DERPC: variants seen among roughly 807,000 people sequenced by gnomAD.
The protein encoded by DERPC is DERPC proline and glycine rich nuclear protein.
Under a neutral mutation model 7.2 loss-of-function variants are expected in DERPC, and 1 was observed. The ratio of observed to expected loss-of-function variants is 0.14; its 90% CI spans 0.05 to 0.66. The LOEUF (loss-of-function observed/expected upper bound fraction) is 0.66, where lower values mean the gene tolerates loss of function less well. Among genes scored for constraint, DERPC ranks in the 30% least tolerant of loss-of-function variants. The pLI is 0.84. For synonymous variants in DERPC, 185 were observed against 117.6 expected, an observed-to-expected ratio of 1.57 and a Z score of -3.71; for missense variants, 502 against 299.4, an observed-to-expected ratio of 1.68 and a Z score of -4.99.
chr16:69,118,456 G>C lies in DERPC; in HGVS notation c.*398C>G, dbSNP rs968445391. ...TTCACCAACGCCACGTTTCTAGAGA[G>C]CAGTGAGCTGATTCTCCAATGGTGA... On this transcript the variant is annotated 3_prime_UTR_variant, in exon 3 of 3. Coordinates refer to ENST00000519520, the MANE Select transcript of DERPC (RefSeq NM_001002847.4). 6.3e-7 allele frequency: 1 copy of C among 1,594,214 alleles called. No individual in the cohort carries two copies. Among genetic ancestry groups the C allele is most frequent in the African/African-American group, 1.3e-5 (1 of 74,666 alleles).
rs1422710731 is a variant in DERPC at position 69,123,940 on chromosome 16, A to AC, written c.-279-2448_-279-2447insG. 1.3e-3 allele frequency among the ~76,000 whole-genome samples: 177 copies of AC among 140,332 alleles called. 2 individuals are homozygous for AC. In the Middle Eastern group the frequency reaches 0.026, roughly 20 times the overall value. The allele number at this position is 140,332 out of a possible 152,430, so 92.1% of individuals were successfully genotyped here. A position where few individuals can be genotyped will look rare whatever the true frequency, so the allele number is the denominator to read the frequency against. The stretch of plus-strand genomic sequence containing the variant: ...CCATCTCTACTAAAAAAAAAAAAAA[A>AC]AAAAAAACAAAAAATTAGCTGGGTG... On this transcript the variant is annotated intron_variant, in intron 1 of 2. Transcript: ENST00000519520.
chr16:69,131,810 A>T (rs1962545701), intron 1 of DERPC, among the ~76,000 whole-genome samples: 1 of 148,636 alleles, frequency 6.7e-6, no homozygotes, highest in Non-Finnish European at 1.5e-5. Flanking sequence ...CAAGTACTCC[A>T]CTCCTCCAGG....
chr16:69,120,927 G>C lies in DERPC; in HGVS notation c.-221-278C>G, dbSNP rs1961603526. ...GAGGTAGGGGGAGAACAAGCAGAGA[G>C]CATCGCAGATTAGCTAGGCCTTGAA... On this transcript the variant is annotated intron_variant, in intron 2 of 2. Coordinates refer to ENST00000519520, the MANE Select transcript of DERPC (RefSeq NM_001002847.4). The surrounding 1 kb of genome is among the most constrained non-coding windows in gnomAD (Gnocchi z 4.0). The C allele has an allele frequency of 1.2e-6, 1 of 848,588 alleles. No individual in the cohort carries two copies. The highest frequency in any genetic ancestry group is 1.7e-5 in the African/African-American group (1 of 60,404). 52.6% of individuals were successfully genotyped at this position (848,588 alleles called of 1,614,324 possible).
chr16:69,129,290 C>T (rs1962316301), intron 1 of DERPC, among the ~76,000 whole-genome samples: 1 of 151,496 alleles, frequency 6.6e-6, no homozygotes, highest in Non-Finnish European at 1.5e-5. Context: ...ATTAGCCGGG[C>T]GTGGTGGCAG....
intron 1 of DERPC, among the ~76,000 whole-genome samples, chr16:69,122,830 C>A (rs775682290): frequency 2.0e-5 from 3 of 152,094 alleles, no homozygotes; most frequent in Non-Finnish European, 2.9e-5. Context: ...GCGTGAACCA[C>A]CGCACCTGGC....
In DERPC at chr16:69,118,400, G is replaced by A. The variant is rs201415345; in HGVS notation, c.*454C>T. 1.5e-5 allele frequency: 25 copies of A among 1,613,486 alleles called. No individual in the cohort carries two copies. The highest frequency in any genetic ancestry group is 1.9e-5 in the Non-Finnish European group (22 of 1,179,544). On this transcript the variant is annotated 3_prime_UTR_variant, in exon 3 of 3. Transcript: ENST00000519520. ...AGTAGAGGATGACCAGGTCCAAGCT[G>A]CCCAGGTCAGAGCTACGGAAGCATG...
rs185866245 is a variant in DERPC at position 69,119,798 on chromosome 16, G to C, written c.631C>G (p.Pro211Ala). The part of the protein sequence containing the change: ...RPVGLGPGPN[P>A]NLRSGFLGTN... Reference sequence around the variant, plus strand: ...CCTAAAAAGCCTGATCTCAGATTGGGGTTTGGTCCTGGGCCCAGGCCAACT... The same window carrying C: ...CCTAAAAAGCCTGATCTCAGATTGGCGTTTGGTCCTGGGCCCAGGCCAACT... Residue 211 changes from proline to alanine, a missense_variant, in exon 3 of 3, where the codon CCC (proline) becomes GCC (alanine). Transcript: ENST00000519520. 4.0e-3 allele frequency: 2,784 copies of C among 700,658 alleles called. 18 individuals carry two copies. The highest frequency in any genetic ancestry group is 0.013 in the South Asian group (902 of 67,500). The allele number at this position is 700,658 out of a possible 1,614,324, so 43.4% of individuals were successfully genotyped here. A position where few individuals can be genotyped will look rare whatever the true frequency, so the allele number is the denominator to read the frequency against.
rs1166880465 is a variant in DERPC at position 69,119,312 on chromosome 16, G to C, written c.1117C>G (p.Gln373Glu). The change falls in exon 3 of 3, where the codon CAG becomes GAG. Residue 373 changes from glutamine to glutamate, a missense_variant. Coordinates refer to ENST00000519520, the MANE Select transcript of DERPC (RefSeq NM_001002847.4). ...TTTGATGCCAATGTGCCAGAAGACT[G>C]AGAAAAGGCAGATGAACCTGCTCCC... is the stretch of plus-strand genomic sequence containing the variant. ...PRGAGSSAFS[Q>E]SSGTLASNPA... 2.8e-6 allele frequency: 2 copies of C among 702,960 alleles called. No homozygotes were observed. Among genetic ancestry groups the C allele is most frequent in the African/African-American group, 3.5e-5 (2 of 57,270 alleles). The allele number at this position is 702,960 out of a possible 1,614,324, so 43.5% of individuals were successfully genotyped here.
chr16:69,122,867 TG>T (rs1961782009), intron 1 of DERPC, among the ~76,000 whole-genome samples: 1 of 150,846 alleles, frequency 6.6e-6, no homozygotes, highest in African/African-American at 2.4e-5. Flanking sequence ...TTAGTAGAGA[TG>T]GGGTTTCACC....
chr16:69,127,719 C>G (rs1259502784), intron 1 of DERPC, among the ~76,000 whole-genome samples: 1 of 149,896 alleles, frequency 6.7e-6, no homozygotes, highest in Non-Finnish European at 1.5e-5. Context: ...AAGTGATTCT[C>G]CTGCCTCAGC....
At chr16:69,129,851 AT>A (rs1962367825) in intron 1 of DERPC, among the ~76,000 whole-genome samples, 1 of 152,220 alleles carries the variant, frequency 6.6e-6, no homozygotes. Flanking sequence ...CCACCAAAGT[AT>A]TATATCTGTG....
intron 1 of DERPC, among the ~76,000 whole-genome samples, chr16:69,130,703 C>G (rs1962436133): frequency 6.6e-6 from 1 of 152,208 alleles, no homozygotes; most frequent in Non-Finnish European, 1.5e-5. Flanking sequence ...CCTTCAGGGT[C>G]AAGCTATCGA....
chr16:69,130,253 G>A (rs531354834), intron 1 of DERPC, among the ~76,000 whole-genome samples: 24 of 152,026 alleles, frequency 1.6e-4, no homozygotes, highest in African/African-American at 5.5e-4. Flanking sequence ...TGACTCAACG[G>A]TTTAACCTCA....
chr16:69,118,810 C>T lies in DERPC; in HGVS notation c.*44G>A. Reference sequence around the variant, plus strand: ...ACCTAAGACAGCCCCTGCCAAGAACCACAGTGCCTAGAAACCAAGGTGGTC... The same window carrying T: ...ACCTAAGACAGCCCCTGCCAAGAACTACAGTGCCTAGAAACCAAGGTGGTC... On this transcript the variant is annotated 3_prime_UTR_variant, in exon 3 of 3. Transcript: ENST00000519520. The T allele has an allele frequency of 1.5e-6, 1 of 671,416 alleles. No homozygotes were observed. Among genetic ancestry groups the T allele is most frequent in the African/African-American group, 1.8e-5 (1 of 56,524 alleles). The allele number at this position is 671,416 out of a possible 1,614,324, so 41.6% of individuals were successfully genotyped here.
intron 1 of DERPC, among the ~76,000 whole-genome samples, chr16:69,130,573 T>G (rs1481955634): frequency 6.6e-6 from 1 of 152,198 alleles, no homozygotes; most frequent in Admixed American, 6.5e-5. Flanking sequence ...TGACAGTGGG[T>G]AGTTTAACCT....
Position 69,118,874 on chromosome 16 carries a change from T to A in DERPC, c.1555A>T (p.Asn519Tyr), listed in dbSNP as rs756198170. 1 of 702,866 alleles carries A rather than the reference T, an allele frequency of 1.4e-6. No homozygotes were observed. Among genetic ancestry groups the A allele is most frequent in the Non-Finnish European group, 2.6e-6 (1 of 384,870 alleles). The allele number at this position is 702,866 out of a possible 1,614,324, so 43.5% of individuals were successfully genotyped here. Reference protein sequence around the residue: ...PGGPMAAMYPNGMLPP With the variant: ...PGGPMAAMYPYGMLPP ...GGTGTTTAAGGGGGCAACATTCCAT[T>A]TGGGTACATTGCAGCCATTGGACCC... The change falls in exon 3 of 3, where the codon AAT becomes TAT. Residue 519 changes from asparagine to tyrosine, a missense_variant. Asn to Tyr is a moderately radical substitution (Grantham distance 143). Coordinates refer to ENST00000519520, the MANE Select transcript of DERPC (RefSeq NM_001002847.4).
rs1287496202 is a variant in DERPC at position 69,120,319 on chromosome 16, A to C, written c.110T>G (p.Val37Gly). 2 of 1,107,510 alleles carry C rather than the reference A, an allele frequency of 1.8e-6. No homozygotes were observed. Among genetic ancestry groups the C allele is most frequent in the South Asian group, 2.5e-5 (2 of 78,746 alleles). The allele number at this position is 1,107,510 out of a possible 1,614,324, so 68.6% of individuals were successfully genotyped here. ...DGSLGPQGGP[V>G]LNTGHPLGVN... is the part of the protein sequence containing the mutation. ...ACCCAGTGGGTGGCCTGTGTTCAGA[A>C]CAGGACCCCCCTGTGGTCCCAGGGA... Residue 37 changes from valine to glycine, a missense_variant, in exon 3 of 3, where the codon GTT becomes GGT. Physicochemically the swap from Val to Gly is moderately radical, Grantham distance 109. Transcript: ENST00000519520. This position sits in a 1 kb window ranked among gnomAD's most constrained non-coding sequence, Gnocchi z 4.0.
At chr16:69,128,924 C>G (rs1298523349) in intron 1 of DERPC, among the ~76,000 whole-genome samples, 2 of 152,114 alleles carry the variant, frequency 1.3e-5, no homozygotes, top group African/African-American at 4.8e-5. Flanking sequence ...ATTAGCCAGG[C>G]ATGGTGGCGC....
Position 69,119,120 on chromosome 16 carries a change from C to T in DERPC, c.1309G>A (p.Gly437Ser). Residue 437 changes from glycine to serine, a missense_variant, in exon 3 of 3, where the codon GGT (glycine) becomes AGT (serine). By Grantham distance (56) the Gly-to-Ser change is moderately conservative. Coordinates refer to ENST00000519520, the MANE Select transcript of DERPC (RefSeq NM_001002847.4). ...GCTGGCCTGGGGAAAGTAACTTGAC[C>T]AGGGCCTAATGGGCCAGTAGACCTT... ...FPRSTGPLGP[G>S]QVTFPRPAAG... The T allele has an allele frequency of 1.4e-6, 1 of 703,026 alleles. No homozygotes were observed. Among genetic ancestry groups the T allele is most frequent in the East Asian group, 2.7e-5 (1 of 37,294 alleles). The allele number at this position is 703,026 out of a possible 1,614,324, so 43.5% of individuals were successfully genotyped here. A position where few individuals can be genotyped will look rare whatever the true frequency, so the allele number is the denominator to read the frequency against.
Sources: gnomAD v4.1 joint callset for allele counts (sites outside exome capture counted in the v4.1 genomes callset) on GRCh38, gnomAD v4.1.1 for gene constraint, Gnocchi (gnomAD v3.1) non-coding constraint, MANE v1.5 for transcripts, NCBI Gene and HGNC (gene_info 2026-07-23, HGNC 2026-07-21) for gene names.